The following DNAJB14 variants were observed in gnomAD, a reference collection of about 807,000 sequenced individuals.
DNAJB14 encodes the protein dnaJ homolog subfamily B member 14.
In DNAJB14, 22 loss-of-function variants were observed where a neutral mutation model predicts 48.4. The observed-to-expected ratio is 0.45, with a 90% CI of 0.32 to 0.65. The LOEUF (loss-of-function observed/expected upper bound fraction) is 0.65, where lower values mean the gene tolerates loss of function less well. DNAJB14 is among the 30% of genes least tolerant of loss of function. The pLI, the probability that DNAJB14 is intolerant of heterozygous loss-of-function variation, is 0.03. For synonymous variants in DNAJB14, 142 were observed against 158.7 expected (o/e 0.89, Z 0.79); for missense variants, 319 against 458.8 (o/e 0.70, Z 2.78).
At chr4:99,937,681 A>G (rs114613418) in intron 1 of DNAJB14, among the ~76,000 whole-genome samples, 3,492 of 151,868 alleles carry the variant, frequency 0.023, 137 homozygotes, top group African/African-American at 0.08. Context: ...AGCCACGATC[A>G]TGCCACTACA....
intron 2 of DNAJB14, chr4:99,924,748 T>C (rs201469116): frequency 9.3e-6 from 15 of 1,611,066 alleles, no homozygotes; most frequent in African/African-American, 1.3e-5. Flanking sequence ...GGGGCATTTA[T>C]AAAATACCTA....
At chr4:99,918,486 A>G (rs28893880) in intron 3 of DNAJB14, among the ~76,000 whole-genome samples, 9,823 of 152,232 alleles carry the variant, frequency 0.065, 465 homozygotes, top group East Asian at 0.24. Context: ...TAATTTGGGT[A>G]TTATCTTATG....
chr4:99,936,482 G>A lies in DNAJB14; in HGVS notation c.134-5861C>T, dbSNP rs570705253. Among the ~76,000 whole-genome samples, 12 of 152,188 alleles carry A rather than the reference G, an allele frequency of 7.9e-5. No individual in the cohort carries two copies. The South Asian group carries it at 2.3e-3, about 29-fold the overall frequency. On this transcript the variant is annotated intron_variant, in intron 1 of 7. Transcript: ENST00000442697. ...CAGAAATATACATACATGCATTCAC[G>A]CATACATTTATTTCCTGGCTCTGTC...
intron 1 of DNAJB14, among the ~76,000 whole-genome samples, chr4:99,945,011 T>G (rs1192423705): frequency 2.6e-5 from 4 of 152,214 alleles, no homozygotes; most frequent in Non-Finnish European, 2.9e-5. Flanking sequence ...CTAAAGTAGT[T>G]AAATTCACAG....
intron 1 of DNAJB14, 145 bp downstream of exon 1, chr4:99,946,294 T>G: frequency 7.8e-7 from 1 of 1,276,270 alleles, no homozygotes; most frequent in Non-Finnish European, 1.1e-6. Context: ...TGTGTCGGGA[T>G]GCTCCCCACC....
Position 99,923,683 on chromosome 4 carries a change from C to T in DNAJB14, c.306-498G>A, listed in dbSNP as rs535405051. The T allele has an allele frequency of 1.7e-5, 17 of 984,738 alleles. No individual in the cohort carries two copies. The South Asian group carries it at 7.0e-4, about 41-fold the overall frequency. 61.0% of individuals were successfully genotyped at this position (984,738 alleles called of 1,614,324 possible). A position where few individuals can be genotyped will look rare whatever the true frequency, so the allele number is the denominator to read the frequency against. ...GTACACGCAAAACAACAGCAGTATT[C>T]TATGGTTTAAATGTCAATATTTATT... On this transcript the variant is annotated intron_variant, in intron 2 of 7. Coordinates refer to ENST00000442697, the MANE Select transcript of DNAJB14 (RefSeq NM_001031723.4).
At chr4:99,938,732 AT>A (rs1485911554) in intron 1 of DNAJB14, among the ~76,000 whole-genome samples, 1 of 152,178 alleles carries the variant, frequency 6.6e-6, no homozygotes, top group Non-Finnish European at 1.5e-5. Flanking sequence ...GTAAGTTTGT[AT>A]TATTCTTGCA....
chr4:99,946,416 G>T (rs1212880893), intron 1 of DNAJB14, 23 bp downstream of exon 1: 1 of 1,599,320 alleles, frequency 6.3e-7, no homozygotes, highest in East Asian at 2.3e-5. Context: ...TGGGCAGGAA[G>T]AGAAGGGACG....
In DNAJB14 at chr4:99,897,033, T is replaced by C. The variant is rs554420536; in HGVS notation, c.*3995A>G. The C allele has an allele frequency of 6.6e-6, 1 of 152,202 alleles. No individual in the cohort carries two copies. Among genetic ancestry groups the C allele is most frequent in the South Asian group, 2.1e-4 (1 of 4,824 alleles). 9.4% of individuals were successfully genotyped at this position (152,202 alleles called of 1,614,324 possible). On this transcript the variant is annotated 3_prime_UTR_variant, in exon 8 of 8. Transcript: ENST00000442697. The stretch of plus-strand genomic sequence containing the variant: ...TAATAGGAATCTCTCCATTAAAATA[T>C]GAAAAAGAGCAACAAATAATTCACA...
chr4:99,906,259 A>C, intron 5 of DNAJB14: 1 of 1,239,094 alleles, frequency 8.1e-7, no homozygotes, highest in Non-Finnish European at 1.1e-6. Flanking sequence ...AGTTACCTTC[A>C]CAACATGCAT....
chr4:99,906,669 A>AT, intron 4 of DNAJB14, 58 bp from the exon 5 acceptor site: 1 of 1,364,818 alleles, frequency 7.3e-7, no homozygotes, highest in Non-Finnish European at 1.0e-6. Flanking sequence ...GAAAAAATAC[A>AT]TTTTCTTTCA....
intron 1 of DNAJB14, among the ~76,000 whole-genome samples, chr4:99,934,244 C>T (rs760691088): frequency 1.2e-4 from 19 of 152,036 alleles, no homozygotes; most frequent in Non-Finnish European, 1.9e-4. Flanking sequence ...CATTTTTAAA[C>T]ATTACACAAA....
At chr4:99,922,330 T>A (rs1726090447) in intron 3 of DNAJB14, among the ~76,000 whole-genome samples, 1 of 152,188 alleles carries the variant, frequency 6.6e-6, no homozygotes, top group African/African-American at 2.4e-5. Flanking sequence ...CATTATACAC[T>A]GGGTTTATGA....
chr4:99,909,987 T>C (rs1464146565), intron 3 of DNAJB14, among the ~76,000 whole-genome samples: 2 of 152,078 alleles, frequency 1.3e-5, no homozygotes, highest in Non-Finnish European at 2.9e-5. Context: ...TGTAAGCCTC[T>C]TGCAATACAG....
At chr4:99,906,040 TGGA>T in intron 5 of DNAJB14, 2 of 1,310,098 alleles carry the variant, frequency 1.5e-6, no homozygotes, top group Admixed American at 2.5e-5. Flanking sequence ...TTTTTTACCT[TGGA>T]TTTGAGGGTA....
At chr4:99,936,529 T>C (rs988289580) in intron 1 of DNAJB14, among the ~76,000 whole-genome samples, 3 of 152,184 alleles carry the variant, frequency 2.0e-5, no homozygotes, top group South Asian at 2.1e-4. Context: ...CTAGAAACAA[T>C]GACACTTCTG....
chr4:99,938,012 C>A (rs1015213068), intron 1 of DNAJB14, among the ~76,000 whole-genome samples: 1 of 145,330 alleles, frequency 6.9e-6, no homozygotes, highest in Non-Finnish European at 1.5e-5. Flanking sequence ...AATCCCAACA[C>A]TTTGGGAGGC....
chr4:99,930,536 G>A lies in DNAJB14; in HGVS notation c.219C>T (p.Ser73=), dbSNP rs1372281679. The A allele has an allele frequency of 6.2e-7, 1 of 1,613,244 alleles. No individual in the cohort carries two copies. The highest frequency in any genetic ancestry group is 8.5e-7 in the Non-Finnish European group (1 of 1,179,544). The part of the protein sequence containing the change: ...CRKPSGSGDQ[S]KPNCTKDSTS... ...TGCTGTCCTTTGTGCAATTAGGCTT[G>A]CTTTGATCGCCACTACCTGATGGTT... Residue 73 remains serine, a synonymous_variant, in exon 2 of 8, where the codon AGC becomes AGT. Transcript: ENST00000442697.
At chr4:99,928,898 G>GT (rs1726356351) in intron 2 of DNAJB14, 2 of 153,894 alleles carry the variant, frequency 1.3e-5, no homozygotes, top group Admixed American at 6.5e-5. Flanking sequence ...ACTAATAAAC[G>GT]TTTTTTACAA....
Sources: gnomAD v4.1 joint callset for allele counts (sites outside exome capture counted in the v4.1 genomes callset) on GRCh38, gnomAD v4.1.1 for gene constraint, MANE v1.5 for transcripts, NCBI Gene and HGNC (gene_info 2026-07-23, HGNC 2026-07-21) for gene names.